ACO1: variants seen among roughly 807,000 people sequenced by gnomAD.
ACO1 encodes aconitase 1, also known as cytoplasmic aconitate hydratase.
A neutral mutation model predicts 105.1 loss-of-function variants in ACO1; 78 were observed. The observed-to-expected ratio is 0.74, with a 90% confidence interval of 0.62 to 0.90. ACO1 has a LOEUF of 0.90. Among genes scored for constraint, ACO1 ranks in the 40% least tolerant of loss-of-function variants. The probability of loss-of-function intolerance (pLI) is 0.00; values close to 1 mark genes in which losing one functional copy is unlikely to be tolerated. For missense variants in ACO1, 965 were observed against 1,111.1 expected (o/e 0.87, Z 1.87); for synonymous variants, 364 against 397.4 (o/e 0.92, Z 1.00).
chr9:32,418,648 T>C (rs1431836254), intron 6 of ACO1, 137 bp downstream of exon 6: 9 of 1,002,526 alleles, frequency 9.0e-6, no homozygotes, highest in East Asian at 7.3e-5. Flanking sequence ...CTGCTGTTTT[T>C]CCAGTGCCTA....
rs1176990440 is a variant in ACO1 at position 32,450,734 on chromosome 9, C to A, written c.*623C>A. On this transcript the variant is annotated 3_prime_UTR_variant, in exon 21 of 21. Transcript: ENST00000309951. ...CACATAAAAAGAAATGTGAAGTTTTCTTTTACTATCTTTTCATTTATCAAG... is the reference window on the plus strand; with the variant it reads ...CACATAAAAAGAAATGTGAAGTTTTATTTTACTATCTTTTCATTTATCAAG... The A allele has an allele frequency of 6.6e-6, 1 of 151,086 alleles. No homozygotes were observed. Among genetic ancestry groups the A allele is most frequent in the East Asian group, 1.9e-4 (1 of 5,170 alleles). 9.4% of individuals were successfully genotyped at this position (151,086 alleles called of 1,614,324 possible).
intron 1 of ACO1, among the ~76,000 whole-genome samples, chr9:32,392,988 C>A (rs1328160157): frequency 6.6e-6 from 1 of 152,170 alleles, no homozygotes; most frequent in Non-Finnish European, 1.5e-5. Context: ...TCTTCATAAG[C>A]TGAGGAGGAT....
At chr9:32,423,263 C>G (rs1357494450) in intron 8 of ACO1, 56 bp from the exon 9 acceptor site, 1 of 1,041,100 alleles carries the variant, frequency 9.6e-7, no homozygotes, top group African/African-American at 1.7e-5. Flanking sequence ...AGTTTATAAA[C>G]TTCAACCAGG....
chr9:32,428,734 C>G (rs890430777), intron 12 of ACO1, among the ~76,000 whole-genome samples: 17 of 151,948 alleles, frequency 1.1e-4, no homozygotes, highest in African/African-American at 4.1e-4. Flanking sequence ...ATCCCAGCTA[C>G]TTGGGGGGCT....
At chr9:32,418,249 G>A (rs754687260) in intron 5 of ACO1, 52 bp downstream of exon 5, 24 of 1,612,270 alleles carry the variant, frequency 1.5e-5, no homozygotes, top group East Asian at 8.9e-5. Flanking sequence ...GGCAGGGTAC[G>A]AGGGAGAGAT....
At chr9:32,412,425 T>C (rs764705361) in intron 4 of ACO1, among the ~76,000 whole-genome samples, 1 of 152,226 alleles carries the variant, frequency 6.6e-6, no homozygotes, top group African/African-American at 2.4e-5. Flanking sequence ...CTTAAGAATA[T>C]GAAACCACTC....
rs375879049 is a variant in ACO1 at position 32,429,426 on chromosome 9, G to A, written c.1492G>A (p.Val498Met). The A allele has an allele frequency of 1.4e-5, 23 of 1,614,010 alleles. No homozygotes were observed. Among genetic ancestry groups the A allele is most frequent in the East Asian group, 2.2e-5 (1 of 44,894 alleles). ...MPYLSQLGFD[V>M]VGYGCMTCIG... ...TTCTCTCTTGGTGTCTAGGTTTGAC[G>A]TGGTGGGCTATGGCTGCATGACCTG... is the stretch of plus-strand genomic sequence containing the variant. Residue 498 changes from valine (V) to methionine (M), a missense_variant, in exon 13 of 21, where the codon GTG (valine) becomes ATG (methionine). Physicochemically the swap from Val to Met is conservative, Grantham distance 21. Coordinates refer to ENST00000309951, the MANE Select transcript of ACO1 (RefSeq NM_002197.3).
intron 8 of ACO1, among the ~76,000 whole-genome samples, chr9:32,422,013 A>T (rs1170967485): frequency 2.0e-5 from 3 of 152,282 alleles, no homozygotes; most frequent in Admixed American, 1.3e-4. Context: ...AACACATTGA[A>T]ATTGATTAAT....
chr9:32,392,448 C>CA (rs1187339079), intron 1 of ACO1, among the ~76,000 whole-genome samples: 1 of 152,232 alleles, frequency 6.6e-6, no homozygotes, highest in Non-Finnish European at 1.5e-5. Context: ...CAGCACATGT[C>CA]TCCAGGCTGC....
At chr9:32,440,353 C>A in intron 18 of ACO1, 112 bp from the exon 19 acceptor site, 1 of 1,091,524 alleles carries the variant, frequency 9.2e-7, no homozygotes, top group Non-Finnish European at 1.3e-6. Context: ...GATGATTGGA[C>A]GGATTTGGCC....
chr9:32,404,931 C>T (rs1563931176), intron 1 of ACO1, among the ~76,000 whole-genome samples: 1 of 152,222 alleles, frequency 6.6e-6, no homozygotes, highest in Non-Finnish European at 1.5e-5. Flanking sequence ...AATTCTAATG[C>T]AGATGGCCTA....
intron 20 of ACO1, among the ~76,000 whole-genome samples, chr9:32,449,475 CAA>C (rs1345022140): frequency 2.6e-5 from 4 of 152,112 alleles, no homozygotes; most frequent in African/African-American, 7.2e-5. Context: ...TTGATTAGCC[CAA>C]GAGTGAAAAT....
Position 32,450,162 on chromosome 9 carries a change from G to A in ACO1, c.*51G>A, listed in dbSNP as rs748386123. ...AGGGAGGAAGCCGCACCACCAGCCA[G>A]CGCAGGCCCTGGTGGAGAGGCCTCC... On this transcript the variant is annotated 3_prime_UTR_variant, in exon 21 of 21. Coordinates refer to ENST00000309951, the MANE Select transcript of ACO1 (RefSeq NM_002197.3). 2 of 1,475,916 alleles carry A rather than the reference G, an allele frequency of 1.4e-6. No homozygotes were observed. Among genetic ancestry groups the A allele is most frequent in the Admixed American group, 3.3e-5 (2 of 59,742 alleles). The allele number at this position is 1,475,916 out of a possible 1,614,324, so 91.4% of individuals were successfully genotyped here.
intron 1 of ACO1, among the ~76,000 whole-genome samples, chr9:32,387,680 G>A (rs1466887916): frequency 6.6e-6 from 1 of 152,204 alleles, no homozygotes; most frequent in East Asian, 1.9e-4. Context: ...GGGACAGGTA[G>A]TGAAATATTT....
chr9:32,441,207 C>A (rs191815864), intron 19 of ACO1, among the ~76,000 whole-genome samples: 1 of 152,154 alleles, frequency 6.6e-6, no homozygotes, highest in Non-Finnish European at 1.5e-5. Flanking sequence ...TAGAACCTTC[C>A]GCCATCTCGG....
At position 32,395,204 on chromosome 9, in the gene ACO1, G is replaced by A. The variant is rs141190281; in HGVS notation, c.-22-10281G>A. Reference sequence around the variant, plus strand: ...TAAAACATAAATGCAGGCTGGGTGTGGTGGCTCACACCTATAACCCCAGCA... The same window carrying A: ...TAAAACATAAATGCAGGCTGGGTGTAGTGGCTCACACCTATAACCCCAGCA... On this transcript the variant is annotated intron_variant, in intron 1 of 20. Transcript: ENST00000309951. Among the ~76,000 whole-genome samples, 1,430 of 152,134 alleles carry A rather than the reference G, an allele frequency of 9.4e-3. 22 individuals are homozygous for A. The highest frequency in any genetic ancestry group is 0.032 in the African/African-American group (1,348 of 41,488).
At chr9:32,421,093 G>A (rs1198515235) in intron 8 of ACO1, 66 bp downstream of exon 8, 2 of 1,539,640 alleles carry the variant, frequency 1.3e-6, no homozygotes, top group African/African-American at 2.7e-5. Flanking sequence ...AAGAATCTGA[G>A]CACTGCCTTC....
At chr9:32,445,544 C>A in intron 19 of ACO1, 1 of 256,252 alleles carries the variant, frequency 3.9e-6, no homozygotes, top group Non-Finnish European at 7.9e-6. Flanking sequence ...TTTTGTTGAT[C>A]TTTTCAAAAA....
rs1822432361 is a variant in ACO1, at chr9:32,439,469, T to C, written c.2248-996T>C. Among the ~76,000 whole-genome samples the C allele has an allele frequency of 6.6e-6, 1 of 152,198 alleles. No individual in the cohort carries two copies. The highest frequency in any genetic ancestry group is 2.4e-5 in the African/African-American group (1 of 41,450). On this transcript the variant is annotated intron_variant, in intron 18 of 20. Coordinates refer to ENST00000309951, the MANE Select transcript of ACO1 (RefSeq NM_002197.3). The surrounding 1 kb of genome is among the most constrained non-coding windows in gnomAD (Gnocchi z 4.0). ...CCTGTCTCTCTTTTGAGGAATTTTA[T>C]CTTCTGACTTACATAGCCTGGAAAA...
Sources: allele counts gnomAD v4.1 joint callset (sites outside exome capture counted in the v4.1 genomes callset), GRCh38; gene constraint gnomAD v4.1.1; non-coding constraint Gnocchi (gnomAD v3.1); transcripts MANE v1.5; gene names NCBI Gene and HGNC (gene_info 2026-07-23, HGNC 2026-07-21).